SDHAF4: variants seen among roughly 807,000 people sequenced by gnomAD.
The protein encoded by SDHAF4 is succinate dehydrogenase complex assembly factor 4, also known as succinate dehydrogenase assembly factor 4, mitochondrial.
Under a neutral mutation model 14.3 loss-of-function variants are expected in SDHAF4, and 14 were observed. That is an observed-to-expected ratio of 0.98 (90% CI 0.65 to 1.53). The LOEUF (loss-of-function observed/expected upper bound fraction) is 1.53. Ranked by LOEUF, SDHAF4 falls within the 40% of genes most tolerant of loss-of-function variation. The pLI, the probability that SDHAF4 is intolerant of heterozygous loss-of-function variation, is 0.00. For synonymous variants in SDHAF4, 63 were observed against 47.3 expected (o/e 1.33, Z -1.36); for missense variants, 141 against 129.3 (o/e 1.09, Z -0.44).
downstream of SDHAF4, among the ~76,000 whole-genome samples, chr6:70,591,650 T>C (rs993680326): frequency 1.3e-5 from 2 of 152,202 alleles, no homozygotes; most frequent in Admixed American, 1.3e-4. Flanking sequence ...TTTTTAAAAA[T>C]GAAATTTGAA....
downstream of SDHAF4, among the ~76,000 whole-genome samples, chr6:70,591,777 A>G (rs9455176): frequency 0.043 from 6,556 of 152,338 alleles, 309 homozygotes; most frequent in African/African-American, 0.1. Context: ...TAAAATTCAC[A>G]GAGGTGCTAT....
At chr6:70,592,399 C>T (rs982050156), downstream of SDHAF4, among the ~76,000 whole-genome samples, 8 of 152,054 alleles carry the variant, frequency 5.3e-5, no homozygotes, top group South Asian at 2.1e-4. Context: ...CTTAAGTGGT[C>T]GTGACCAGAA....
At chr6:70,568,975 T>TG (rs1023052876) in intron 1 of SDHAF4, among the ~76,000 whole-genome samples, 9 of 142,432 alleles carry the variant, frequency 6.3e-5, no homozygotes, top group South Asian at 2.3e-4. Flanking sequence ...TTTTTTTTTT[T>TG]TTTTTTTTGA....
chr6:70,572,893 T>G (rs1802202993), intron 1 of SDHAF4, among the ~76,000 whole-genome samples: 1 of 152,240 alleles, frequency 6.6e-6, no homozygotes, highest in Non-Finnish European at 1.5e-5. Context: ...ATTTTGATTT[T>G]GATAAACATA....
At chr6:70,590,958 G>A (rs1186740107), downstream of SDHAF4, among the ~76,000 whole-genome samples, 1 of 152,108 alleles carries the variant, frequency 6.6e-6, no homozygotes, top group African/African-American at 2.4e-5. Context: ...TCCAGTCTGA[G>A]GGCAAAGAAG....
chr6:70,576,181 G>A (rs1315982223), intron 1 of SDHAF4, among the ~76,000 whole-genome samples: 1 of 152,208 alleles, frequency 6.6e-6, no homozygotes, highest in East Asian at 1.9e-4. Flanking sequence ...AAGCCTGCAG[G>A]TGCCAAGGAG....
chr6:70,577,021 T>A (rs1225927015), intron 1 of SDHAF4, among the ~76,000 whole-genome samples: 1 of 152,148 alleles, frequency 6.6e-6, no homozygotes, highest in Non-Finnish European at 1.5e-5. Context: ...GGAGGCCACA[T>A]ACATTTCCTT....
intron 2 of SDHAF4, among the ~76,000 whole-genome samples, chr6:70,580,414 T>C (rs1285850957): frequency 1.3e-5 from 2 of 152,198 alleles, no homozygotes; most frequent in East Asian, 1.9e-4. Context: ...TGGAAAACAG[T>C]ATGGCCGTTC....
intron 1 of SDHAF4, among the ~76,000 whole-genome samples, chr6:70,570,227 A>G (rs530206826): frequency 4.5e-4 from 68 of 152,236 alleles, no homozygotes; most frequent in Non-Finnish European, 8.4e-4. Context: ...TATCTAAATT[A>G]CCTTATTAAT....
chr6:70,575,043 C>G (rs1166734421), intron 1 of SDHAF4, among the ~76,000 whole-genome samples: 2 of 152,182 alleles, frequency 1.3e-5, no homozygotes, highest in Non-Finnish European at 2.9e-5. Flanking sequence ...TGTCATCTCC[C>G]TGCTGTCCTG....
chr6:70,593,260 C>CA (rs1765275026), downstream of SDHAF4, among the ~76,000 whole-genome samples: 1 of 152,262 alleles, frequency 6.6e-6, no homozygotes, highest in African/African-American at 2.4e-5. Context: ...TGCAGGCACA[C>CA]AGCAAGAGCT....
intron 2 of SDHAF4, among the ~76,000 whole-genome samples, chr6:70,585,357 C>T (rs139474154): frequency 1.1e-4 from 17 of 152,268 alleles, no homozygotes; most frequent in African/African-American, 3.1e-4. Flanking sequence ...TGGGAATCTC[C>T]TCATGGTGGG....
At chr6:70,578,496 A>G (rs1802284024) in intron 1 of SDHAF4, among the ~76,000 whole-genome samples, 1 of 152,120 alleles carries the variant, frequency 6.6e-6, no homozygotes, top group Non-Finnish European at 1.5e-5. Flanking sequence ...TGTAGTTTGC[A>G]AATATTTTCT....
intron 1 of SDHAF4, among the ~76,000 whole-genome samples, chr6:70,576,174 C>A (rs1007793261): frequency 1.3e-5 from 2 of 152,200 alleles, no homozygotes; most frequent in Admixed American, 6.5e-5. Flanking sequence ...AGCTGTAAAG[C>A]CTGCAGGTGC....
chr6:70,573,560 G>A (rs1448170940), intron 1 of SDHAF4, among the ~76,000 whole-genome samples: 7 of 150,244 alleles, frequency 4.7e-5, no homozygotes, highest in South Asian at 2.1e-4. Flanking sequence ...CACAATGCCC[G>A]GCCAGCTATT....
intron 1 of SDHAF4, among the ~76,000 whole-genome samples, chr6:70,575,034 G>A (rs148245391): frequency 3.5e-4 from 53 of 152,312 alleles, no homozygotes; most frequent in Non-Finnish European, 6.5e-4. Flanking sequence ...TTAAGAGACT[G>A]TCATCTCCCT....
At chr6:70,573,269 T>TG (rs1446234658) in intron 1 of SDHAF4, among the ~76,000 whole-genome samples, 3 of 140,898 alleles carry the variant, frequency 2.1e-5, no homozygotes, top group African/African-American at 8.8e-5. Flanking sequence ...TTGGCCTTTT[T>TG]TTTTTTTTTT....
rs563965743 is a variant in SDHAF4 at position 70,577,962 on chromosome 6, A to G, written c.65-1452A>G. On this transcript the variant is annotated intron_variant, in intron 1 of 2. Transcript: ENST00000370474. ...TATATGTACCACATTTTCTTTATCC[A>G]GTCCACCATTGATGAGCACCTAGGT... Among the ~76,000 whole-genome samples, 4 of 152,318 alleles carry G rather than the reference A, an allele frequency of 2.6e-5. No individual in the cohort carries two copies. In the East Asian group the frequency reaches 7.7e-4, roughly 29 times the overall value.
downstream of SDHAF4, among the ~76,000 whole-genome samples, chr6:70,591,553 TCTC>T (rs901073106): frequency 6.6e-6 from 1 of 151,892 alleles, no homozygotes; most frequent in Non-Finnish European, 1.5e-5. Context: ...ATAGTCTCGA[TCTC>T]CTGATCTCGT....
Sources: gnomAD v4.1 joint callset for allele counts (sites outside exome capture counted in the v4.1 genomes callset) on GRCh38, gnomAD v4.1.1 for gene constraint, MANE v1.5 for transcripts, NCBI Gene and HGNC (gene_info 2026-07-23, HGNC 2026-07-21) for gene names.